Variants in CFAP299 observed in about 807,000 individuals in gnomAD.
CFAP299 encodes the protein cilia- and flagella-associated protein 299.
In CFAP299, 21 loss-of-function variants were observed where a neutral mutation model predicts 27.0. The ratio of observed to expected loss-of-function variants is 0.78; its 90% confidence interval spans 0.55 to 1.12. The LOEUF (loss-of-function observed/expected upper bound fraction) is 1.12. Ranked by LOEUF, CFAP299 falls within the 50% of genes most tolerant of loss-of-function variation. CFAP299 has a pLI of 0.00. For synonymous variants in CFAP299, 104 were observed against 98.1 expected (o/e 1.06, Z -0.36); for missense variants, 310 against 276.6 (o/e 1.12, Z -0.86).
At chr4:80,440,273 A>G (rs1397511906) in intron 2 of CFAP299, among the ~76,000 whole-genome samples, 3 of 152,124 alleles carry the variant, frequency 2.0e-5, no homozygotes, top group African/African-American at 7.2e-5. Context: ...ACCTCCCAGC[A>G]GGGCTCGACA....
intron 3 of CFAP299, among the ~76,000 whole-genome samples, chr4:80,690,741 T>C (rs536054936): frequency 2.0e-5 from 3 of 151,928 alleles, no homozygotes; most frequent in Admixed American, 6.6e-5. Context: ...TTCAAAAAAT[T>C]AATGAATCCA....
chr4:80,897,471 T>C (rs1338283952), intron 4 of CFAP299, among the ~76,000 whole-genome samples: 7 of 152,148 alleles, frequency 4.6e-5, no homozygotes, highest in Admixed American at 4.6e-4. Context: ...GGTTTAAGCA[T>C]GGAGGAATTT....
At chr4:80,369,105 A>G (rs1724001036) in intron 2 of CFAP299, among the ~76,000 whole-genome samples, 1 of 152,130 alleles carries the variant, frequency 6.6e-6, no homozygotes, top group South Asian at 2.1e-4. Context: ...TAGTATCTCC[A>G]CTGTACTCAT....
chr4:80,596,309 C>T (rs1473294644), intron 3 of CFAP299, among the ~76,000 whole-genome samples: 2 of 152,138 alleles, frequency 1.3e-5, no homozygotes, highest in Admixed American at 6.5e-5. Context: ...TGATAGGCAG[C>T]TCATTCCTTT....
intron 4 of CFAP299, among the ~76,000 whole-genome samples, chr4:80,885,626 G>A (rs1337131900): frequency 6.6e-6 from 1 of 152,080 alleles, no homozygotes; most frequent in Admixed American, 6.6e-5. Flanking sequence ...GGCCAAAAGG[G>A]AACTAGGTAC....
chr4:80,566,721 G>A (rs1032786436), intron 2 of CFAP299, among the ~76,000 whole-genome samples: 1 of 151,974 alleles, frequency 6.6e-6, no homozygotes, highest in African/African-American at 2.4e-5. Flanking sequence ...GGCTTTCCTT[G>A]TGTAAATATA....
At position 80,799,598 on chromosome 4, in the gene CFAP299, A is replaced by T. The variant is rs1381588126; in HGVS notation, c.334-70395A>T. ...ATTTATAAAATATATTATATAAAAT[A>T]TATATTTTATATATTATATATTTAT... On this transcript the variant is annotated intron_variant, in intron 3 of 5. Transcript: ENST00000358105. Among the ~76,000 whole-genome samples the T allele has an allele frequency of 3.2e-3, 172 of 53,398 alleles. 7 individuals carry two copies. The highest frequency in any genetic ancestry group is 0.014 in the African/African-American group (166 of 11,676). 35.0% of individuals were successfully genotyped at this position (53,398 alleles called of 152,430 possible).
At chr4:80,610,953 A>G (rs2109916773) in intron 3 of CFAP299, among the ~76,000 whole-genome samples, 1 of 152,088 alleles carries the variant, frequency 6.6e-6, no homozygotes, top group South Asian at 2.1e-4. Context: ...TCCAAAAGTA[A>G]GTGCAAATAA....
intron 1 of CFAP299, among the ~76,000 whole-genome samples, chr4:80,347,717 T>C (rs2109979199): frequency 6.6e-6 from 1 of 152,302 alleles, no homozygotes; most frequent in South Asian, 2.1e-4. Flanking sequence ...CAAAGTAATT[T>C]ATAGATACAA....
At chr4:80,797,811 A>G (rs1727957009) in intron 3 of CFAP299, among the ~76,000 whole-genome samples, 1 of 152,102 alleles carries the variant, frequency 6.6e-6, no homozygotes, top group Admixed American at 6.6e-5. Context: ...CACCATCCCA[A>G]TCTCCCCAAG....
intron 3 of CFAP299, among the ~76,000 whole-genome samples, chr4:80,822,087 G>A (rs1249714308): frequency 3.3e-5 from 5 of 152,146 alleles, no homozygotes; most frequent in Admixed American, 2.0e-4. Flanking sequence ...TAATTTTTCA[G>A]AAGTTTGGTA....
rs1435285713 is a variant in CFAP299, at chr4:80,868,905, C to CTCTGTGTGTGTG, written c.334-1087_334-1086insCTGTGTGTGTGT. Among the ~76,000 whole-genome samples the CTCTGTGTGTGTG allele has an allele frequency of 1.0e-3, 142 of 137,676 alleles. 1 individual carries two copies. The highest frequency in any genetic ancestry group is 3.7e-3 in the African/African-American group (135 of 36,392). 90.3% of individuals were successfully genotyped at this position (137,676 alleles called of 152,430 possible). On this transcript the variant is annotated intron_variant, in intron 3 of 5. Coordinates refer to ENST00000358105, the MANE Select transcript of CFAP299 (RefSeq NM_152770.3). ...ATTCCATGGGTGGGGGCTTCTCTCT[C>CTCTGTGTGTGTG]TGTGTGTGTGTGTGTGTGTGTGTGT...
chr4:80,395,338 G>T (rs1725722908), intron 2 of CFAP299, among the ~76,000 whole-genome samples: 1 of 151,968 alleles, frequency 6.6e-6, no homozygotes, highest in Admixed American at 6.6e-5. Context: ...CACCTGCAAG[G>T]AGAGACAGCT....
At chr4:80,340,271 C>T (rs1682717891) in intron 1 of CFAP299, among the ~76,000 whole-genome samples, 1 of 152,212 alleles carries the variant, frequency 6.6e-6, no homozygotes, top group African/African-American at 2.4e-5. Flanking sequence ...TTGGAAACCA[C>T]ACTTCTCCCA....
At chr4:80,624,820 G>A (rs1463734984) in intron 3 of CFAP299, among the ~76,000 whole-genome samples, 3 of 152,116 alleles carry the variant, frequency 2.0e-5, no homozygotes, top group Non-Finnish European at 4.4e-5. Flanking sequence ...GTCCAGGAGA[G>A]AAGAGGTTGA....
chr4:80,385,424 A>G (rs1724917819), intron 2 of CFAP299, among the ~76,000 whole-genome samples: 1 of 152,110 alleles, frequency 6.6e-6, no homozygotes, highest in Non-Finnish European at 1.5e-5. Context: ...TATGAATTAC[A>G]CTACATATAC....
intron 2 of CFAP299, among the ~76,000 whole-genome samples, chr4:80,579,983 A>C (rs1211909073): frequency 2.0e-5 from 3 of 152,060 alleles, no homozygotes; most frequent in African/African-American, 7.2e-5. Context: ...TGGGAGTAGG[A>C]AGTAGACATA....
chr4:80,780,361 C>T (rs1297494208), intron 3 of CFAP299, among the ~76,000 whole-genome samples: 1 of 152,098 alleles, frequency 6.6e-6, no homozygotes, highest in Non-Finnish European at 1.5e-5. Flanking sequence ...GGCATTGCCA[C>T]TTTCTCAGAG....
Position 80,801,461 on chromosome 4 carries a change from CA to C in CFAP299, c.334-68531del, listed in dbSNP as rs1454164215. ...ACAACTTCAAATAAAGGGAAAAATG[CA>C]TTGCCAATCATTACTAGGAAAATTG... On this transcript the variant is annotated intron_variant, in intron 3 of 5. Transcript: ENST00000358105. 2.6e-5 allele frequency among the ~76,000 whole-genome samples: 4 copies of C among 151,996 alleles called. No individual in the cohort carries two copies. The East Asian group carries it at 7.7e-4, about 29-fold the overall frequency.
Sources: gnomAD v4.1 joint callset for allele counts (sites outside exome capture counted in the v4.1 genomes callset) on GRCh38, gnomAD v4.1.1 for gene constraint, MANE v1.5 for transcripts, NCBI Gene and HGNC (gene_info 2026-07-23, HGNC 2026-07-21) for gene names.